Variants in ZBBX observed in about 807,000 individuals in gnomAD.
The protein encoded by ZBBX is zinc finger B-box domain containing.
A neutral mutation model predicts 108.5 loss-of-function variants in ZBBX; 101 were observed. The observed-to-expected ratio is 0.93, with a 90% CI of 0.79 to 1.10. The LOEUF (loss-of-function observed/expected upper bound fraction) is 1.10, where lower values mean the gene tolerates loss of function less well. Ranked by LOEUF, ZBBX falls within the 50% of genes least tolerant of loss-of-function variation. The pLI, the probability that ZBBX is intolerant of heterozygous loss-of-function variation, is 0.00. For synonymous variants in ZBBX, 356 were observed against 323.4 expected, an observed-to-expected ratio of 1.10 and a Z score of -1.08; for missense variants, 1,009 against 941.4, an observed-to-expected ratio of 1.07 and a Z score of -0.94.
intron 11 of ZBBX, among the ~76,000 whole-genome samples, chr3:167,323,199 T>C (rs1486476517): frequency 1.4e-5 from 2 of 141,630 alleles, no homozygotes; most frequent in East Asian, 2.4e-4. Context: ...GTCCCCCTTT[T>C]CATTTTGAAA....
chr3:167,183,790 A>C, the ZBBX span, among the ~76,000 whole-genome samples: 11 of 152,158 alleles, frequency 7.2e-5, no homozygotes, highest in African/African-American at 2.7e-4. Context: ...GTAAACCAAC[A>C]ACCTTCAGGA....
At chr3:167,314,137 C>A (rs1374419852) in intron 15 of ZBBX, 21 bp from the exon 16 acceptor site, 7 of 1,549,734 alleles carry the variant, frequency 4.5e-6, no homozygotes, top group South Asian at 1.3e-5. Flanking sequence ...TAGGAACAAA[C>A]AAAATAATAG....
At chr3:167,267,228 G>T (rs542577597) in intron 20 of ZBBX, among the ~76,000 whole-genome samples, 1 of 152,188 alleles carries the variant, frequency 6.6e-6, no homozygotes, top group East Asian at 1.9e-4. Context: ...TCCATGATAA[G>T]AGGGACCTGA....
chr3:167,305,690 A>G lies in ZBBX; in HGVS notation c.1678T>C (p.Tyr560His), dbSNP rs2108228949. ...GATTCTTCAAAGCTTGGCCTCTTAT[A>G]CAGATTGCTCAATTCCAAGGATTCT... Reference protein sequence around the residue: ...IKESLELSNLYKRPSFEESKT... With the variant: ...IKESLELSNLHKRPSFEESKT... The change falls in exon 17 of 22, where the codon TAT becomes CAT. Residue 560 changes from tyrosine to histidine, a missense_variant. Tyr to His is a moderately conservative substitution (Grantham distance 83). Coordinates refer to ENST00000675490, the MANE Select transcript of ZBBX (RefSeq NM_001199201.2). 1 of 1,607,864 alleles carries G rather than the reference A, an allele frequency of 6.2e-7. No homozygotes were observed. The highest frequency in any genetic ancestry group is 8.5e-7 in the Non-Finnish European group (1 of 1,178,244).
the ZBBX span, among the ~76,000 whole-genome samples, chr3:167,221,307 A>C: frequency 6.6e-6 from 1 of 151,854 alleles, no homozygotes; most frequent in Non-Finnish European, 1.5e-5. Flanking sequence ...TGGTAATGGC[A>C]TAGAAACAGA....
At chr3:167,209,713 T>A in the ZBBX span, among the ~76,000 whole-genome samples, 1 of 152,000 alleles carries the variant, frequency 6.6e-6, no homozygotes, top group East Asian at 1.9e-4. Flanking sequence ...ATCCAGGAAA[T>A]CATGACATCA....
chr3:167,287,227 T>C (rs778055481), intron 19 of ZBBX, among the ~76,000 whole-genome samples: 59 of 152,262 alleles, frequency 3.9e-4, no homozygotes, highest in Non-Finnish European at 6.9e-4. Flanking sequence ...ATAAAACTTA[T>C]ATGTGGTATA....
chr3:167,211,175 C>T, the ZBBX span, among the ~76,000 whole-genome samples: 1 of 152,176 alleles, frequency 6.6e-6, no homozygotes. Context: ...TTTCCCAGCC[C>T]AGGAAAGTGG....
At chr3:167,315,682 CAG>C (rs1487815141) in intron 15 of ZBBX, 66 bp downstream of exon 15, 17 of 1,106,932 alleles carry the variant, frequency 1.5e-5, no homozygotes, top group Non-Finnish European at 2.1e-5. Flanking sequence ...TTTAAAAAGA[CAG>C]ATGATTTTGT....
rs141866200 is a variant in ZBBX at position 167,387,422 on chromosome 3, A to C, written c.-445-7017T>G. Among the ~76,000 whole-genome samples the C allele has an allele frequency of 5.2e-3, 789 of 152,170 alleles. 4 individuals carry two copies. The highest frequency in any genetic ancestry group is 8.0e-3 in the Non-Finnish European group (547 of 67,958). ...CTTAGCATAATCTATAATGATGTTC[A>C]ATGTAGCATAATGATTTTCAGTCAC... On this transcript the variant is annotated intron_variant, in intron 1 of 21. Transcript: ENST00000455345.
At chr3:167,294,664 G>A (rs771884395) in intron 18 of ZBBX, among the ~76,000 whole-genome samples, 7 of 152,148 alleles carry the variant, frequency 4.6e-5, no homozygotes, top group Non-Finnish European at 1.0e-4. Flanking sequence ...AACACGAAAA[G>A]CAATGGCAAC....
chr3:167,335,335 A>C (rs1235148632), intron 9 of ZBBX, among the ~76,000 whole-genome samples: 1 of 152,196 alleles, frequency 6.6e-6, no homozygotes, highest in Non-Finnish European at 1.5e-5. Context: ...ATGCTGTCAG[A>C]GTGACTGACA....
chr3:167,181,263 G>A, the ZBBX span, among the ~76,000 whole-genome samples: 4 of 152,240 alleles, frequency 2.6e-5, no homozygotes, highest in South Asian at 4.1e-4. Context: ...TTTGAGGGCT[G>A]TATAATTGCT....
At chr3:167,391,992 AT>A (rs1748097126) in intron 1 of ZBBX, among the ~76,000 whole-genome samples, 1 of 151,736 alleles carries the variant, frequency 6.6e-6, no homozygotes, top group South Asian at 2.1e-4. Flanking sequence ...ATATAGATAT[AT>A]TTATCTATAC....
At chr3:167,346,221 C>T (rs556722824) in intron 9 of ZBBX, among the ~76,000 whole-genome samples, 106 of 151,394 alleles carry the variant, frequency 7.0e-4, no homozygotes, top group African/African-American at 2.4e-3. Context: ...ATAATTGCCT[C>T]TCATGCATTT....
At chr3:167,272,538 T>C (rs910742547) in intron 20 of ZBBX, among the ~76,000 whole-genome samples, 1 of 152,178 alleles carries the variant, frequency 6.6e-6, no homozygotes, top group Non-Finnish European at 1.5e-5. Context: ...CATGGGCCAT[T>C]ATTCCAGGGG....
the ZBBX span, among the ~76,000 whole-genome samples, chr3:167,219,867 T>A: frequency 6.6e-6 from 1 of 151,750 alleles, no homozygotes; most frequent in Admixed American, 6.6e-5. Flanking sequence ...TTATCCAGAC[T>A]AACTAAAGGA....
chr3:167,249,051 C>T (rs1007189806), intron 20 of ZBBX, among the ~76,000 whole-genome samples: 4 of 152,210 alleles, frequency 2.6e-5, no homozygotes, highest in African/African-American at 7.2e-5. Context: ...ATTTTCACCA[C>T]GCTCAGCCTA....
At chr3:167,317,134 A>C in intron 13 of ZBBX, 29 bp from the exon 14 acceptor site, 2 of 1,356,842 alleles carry the variant, frequency 1.5e-6, no homozygotes, top group Non-Finnish European at 2.1e-6. Flanking sequence ...AAATAATATC[A>C]TCAAAGAATA....
Sources: gnomAD v4.1 joint callset for allele counts (sites outside exome capture counted in the v4.1 genomes callset) on GRCh38, gnomAD v4.1.1 for gene constraint, MANE v1.5 for transcripts, NCBI Gene and HGNC (gene_info 2026-07-23, HGNC 2026-07-21) for gene names.